The following MPPED1 variants were observed in gnomAD, a reference collection of about 807,000 sequenced individuals.
The protein encoded by MPPED1 is metallophosphoesterase domain-containing protein 1.
In MPPED1, 16 loss-of-function variants were observed where a neutral mutation model predicts 36.2. The observed-to-expected ratio is 0.44, with a 90% CI of 0.30 to 0.67. MPPED1 has a LOEUF of 0.67. Among genes scored for constraint, MPPED1 ranks in the 30% least tolerant of loss-of-function variants. MPPED1 has a pLI of 0.10. For missense variants in MPPED1, 307 were observed against 453.4 expected (o/e 0.68, Z 2.93); for synonymous variants, 199 against 191.3 (o/e 1.04, Z -0.33).
In MPPED1 at chr22:43,453,310, C is replaced by T. The variant is rs543414315; in HGVS notation, c.406+18095C>T. On this transcript the variant is annotated intron_variant, in intron 3 of 6. Coordinates refer to ENST00000443721, the MANE Select transcript of MPPED1 (RefSeq NM_001044370.2). The stretch of plus-strand genomic sequence containing the variant: ...TACTGCAAAGAACATCGCTATGGGC[C>T]GTTTCCCCGCACCACCCCCCCTGCC... Among the ~76,000 whole-genome samples the T allele has an allele frequency of 1.4e-4, 20 of 145,190 alleles. No homozygotes were observed. In the South Asian group the frequency reaches 4.7e-3, roughly 34 times the overall value.
chr22:43,505,438 C>A, intron 6 of MPPED1, 60 bp from the exon 7 acceptor site: 3 of 1,480,398 alleles, frequency 2.0e-6, no homozygotes, highest in South Asian at 1.3e-5. Context: ...ACTGCCACAC[C>A]CCCCTGGCCA....
rs151264889 is a variant in MPPED1, at chr22:43,503,640, G to C, written c.862+883G>C. 1.2e-3 allele frequency among the ~76,000 whole-genome samples: 185 copies of C among 152,318 alleles called. 1 individual carries two copies. Among genetic ancestry groups the C allele is most frequent in the African/African-American group, 4.3e-3 (177 of 41,562 alleles). ...GGGAAGGAGTGATCAGACCTCACCT[G>C]GCCCTGGAGTAGCTCCTGGAGGAGC... On this transcript the variant is annotated intron_variant, in intron 6 of 6. Coordinates refer to ENST00000443721, the MANE Select transcript of MPPED1 (RefSeq NM_001044370.2).
chr22:43,419,529 T>C (rs738681), intron 1 of MPPED1, among the ~76,000 whole-genome samples: 127,703 of 152,082 alleles, frequency 0.84, 54,123 homozygotes, highest in Middle Eastern at 0.96. Flanking sequence ...GCCTGAGAAG[T>C]GGGAGTGGGG....
chr22:43,475,625 ATGG>A lies in MPPED1; in HGVS notation c.632+670_632+672del, dbSNP rs535478992. Among the ~76,000 whole-genome samples, 884 of 104,482 alleles carry A rather than the reference ATGG, an allele frequency of 8.5e-3. 8 individuals are homozygous for A. The highest frequency in any genetic ancestry group is 0.035 in the African/African-American group (834 of 23,924). The allele number at this position is 104,482 out of a possible 152,430, so 68.5% of individuals were successfully genotyped here. A position where few individuals can be genotyped will look rare whatever the true frequency, so the allele number is the denominator to read the frequency against. On this transcript the variant is annotated intron_variant, in intron 4 of 6. Transcript: ENST00000443721. ...GGTGATGATGGTGGTGATGGTGATG[ATGG>A]TGGTGATGATCGTCATGATGATGGT...
chr22:43,488,539 G>A (rs759092556), intron 4 of MPPED1, among the ~76,000 whole-genome samples: 11 of 152,174 alleles, frequency 7.2e-5, no homozygotes, highest in Non-Finnish European at 1.6e-4. Flanking sequence ...TTAATTAGAC[G>A]GGACTCGAAG....
intron 2 of MPPED1, among the ~76,000 whole-genome samples, chr22:43,434,777 C>T (rs1929892404): frequency 6.6e-6 from 1 of 152,236 alleles, no homozygotes; most frequent in Admixed American, 6.5e-5. Flanking sequence ...CAACAGCCCC[C>T]CAACCCGACG....
chr22:43,429,085 C>T (rs567278651), intron 2 of MPPED1, among the ~76,000 whole-genome samples: 22 of 152,322 alleles, frequency 1.4e-4, no homozygotes, highest in African/African-American at 4.1e-4. Flanking sequence ...CTTGAAGCTA[C>T]AGCAGAGTGG....
chr22:43,432,811 GGAGAGAGAGAGAAAGGGAGGAGA>G (rs1601954072), intron 2 of MPPED1, among the ~76,000 whole-genome samples: 1 of 41,372 alleles, frequency 2.4e-5, no homozygotes, highest in Admixed American at 2.9e-4. Context: ...GAGAAAGGGA[GGAGAGAGAGAGAAAGGGAGGAGA>G]GAGAGAGAAA....
intron 1 of MPPED1, chr22:43,416,308 C>T (rs62234085): frequency 1.3e-5 from 2 of 152,300 alleles, no homozygotes; most frequent in East Asian, 3.9e-4. Context: ...CATCACAAAA[C>T]ATACACTTGA....
chr22:43,453,595 A>T (rs1930651179), intron 3 of MPPED1, among the ~76,000 whole-genome samples: 1 of 152,090 alleles, frequency 6.6e-6, no homozygotes, highest in East Asian at 1.9e-4. Context: ...CTCTTCTTTC[A>T]TCCCGAAACC....
At chr22:43,444,939 A>G (rs982046692) in intron 3 of MPPED1, among the ~76,000 whole-genome samples, 1 of 152,218 alleles carries the variant, frequency 6.6e-6, no homozygotes, top group African/African-American at 2.4e-5. Flanking sequence ...ATAAATTAAA[A>G]GCCAGGGTTG....
intron 3 of MPPED1, among the ~76,000 whole-genome samples, chr22:43,460,079 T>A (rs1383632055): frequency 6.6e-6 from 1 of 152,024 alleles, no homozygotes; most frequent in Non-Finnish European, 1.5e-5. Flanking sequence ...TGGTGGCATG[T>A]GCCTGTAGTC....
intron 3 of MPPED1, among the ~76,000 whole-genome samples, chr22:43,470,241 C>T (rs777133352): frequency 2.8e-4 from 42 of 149,944 alleles, no homozygotes; most frequent in Non-Finnish European, 4.7e-4. Context: ...TATATCCATC[C>T]GTCTACAAAG....
At chr22:43,466,854 C>G (rs1171006261) in intron 3 of MPPED1, among the ~76,000 whole-genome samples, 1 of 152,206 alleles carries the variant, frequency 6.6e-6, no homozygotes, top group African/African-American at 2.4e-5. Flanking sequence ...GCCCATGTTT[C>G]CCCCTCACCC....
At chr22:43,479,353 A>G (rs1931678042) in intron 4 of MPPED1, among the ~76,000 whole-genome samples, 1 of 152,242 alleles carries the variant, frequency 6.6e-6, no homozygotes, top group Non-Finnish European at 1.5e-5. Flanking sequence ...ACTAGCAATG[A>G]GTGACCTAAT....
intron 4 of MPPED1, among the ~76,000 whole-genome samples, chr22:43,486,299 A>G (rs966220804): frequency 3.3e-5 from 5 of 152,156 alleles, no homozygotes; most frequent in South Asian, 2.1e-4. Flanking sequence ...GACAGATGTC[A>G]TCTTCACCAG....
At chr22:43,500,220 ATGGTGGAGG>A (rs1443923854) in intron 5 of MPPED1, among the ~76,000 whole-genome samples, 246 of 17,708 alleles carry the variant, frequency 0.014, 27 homozygotes, top group African/African-American at 0.035. Context: ...GGTGGGGGTG[ATGGTGGAGG>A]TGGTGATGGA....
chr22:43,499,626 ATGATGG>A (rs1932569037), intron 5 of MPPED1, among the ~76,000 whole-genome samples: 6 of 5,316 alleles, frequency 1.1e-3, no homozygotes, highest in Admixed American at 9.0e-3. Context: ...GGTGGTGGTG[ATGATGG>A]TGGAGGTGGT....
rs1305363644 is a variant in MPPED1 at position 43,505,617 on chromosome 22, C to T, written c.*1C>T. On this transcript the variant is annotated 3_prime_UTR_variant, in exon 7 of 7. Coordinates refer to ENST00000443721, the MANE Select transcript of MPPED1 (RefSeq NM_001044370.2). ...CCTCCCCACACCCCGGAACTCCTGA[C>T]TGCTCCCCACTGCCCCTGCCCTGCC... is the stretch of plus-strand genomic sequence containing the variant. 1 of 1,602,112 alleles carries T rather than the reference C, an allele frequency of 6.2e-7. No homozygotes were observed. The highest frequency in any genetic ancestry group is 2.3e-5 in the East Asian group (1 of 44,224).
Sources: gnomAD v4.1 joint callset for allele counts (sites outside exome capture counted in the v4.1 genomes callset) on GRCh38, gnomAD v4.1.1 for gene constraint, MANE v1.5 for transcripts, NCBI Gene and HGNC (gene_info 2026-07-23, HGNC 2026-07-21) for gene names.